The following ASCC3 variants were observed in gnomAD, a reference collection of about 807,000 sequenced individuals.
ASCC3 encodes the protein ASC-1 complex subunit P200.
A neutral mutation model predicts 256.3 loss-of-function variants in ASCC3; 158 were observed. The ratio of observed to expected loss-of-function variants is 0.62; its 90% CI spans 0.54 to 0.70. ASCC3 has a LOEUF of 0.70. Ranked by LOEUF, ASCC3 falls within the 30% of genes least tolerant of loss-of-function variation. ASCC3 has a pLI of 0.00. For synonymous variants in ASCC3, 948 were observed against 883.4 expected (o/e 1.07, Z -1.30); for missense variants, 2,259 against 2,626.0 (o/e 0.86, Z 3.05).
chr6:100,675,247 T>G (rs17060862), intron 14 of ASCC3, among the ~76,000 whole-genome samples: 6,439 of 151,588 alleles, frequency 0.042, 237 homozygotes, highest in East Asian at 0.19. Flanking sequence ...AAGAGGAAAA[T>G]AGGTTAAGAT....
At chr6:100,725,858 A>G (rs1350695901) in intron 10 of ASCC3, among the ~76,000 whole-genome samples, 155 bp from the exon 11 acceptor site, 1 of 151,992 alleles carries the variant, frequency 6.6e-6, no homozygotes, top group Non-Finnish European at 1.5e-5. Context: ...ACTATAGACA[A>G]CAGTCATTTC....
chr6:100,675,194 C>A (rs1184610543), intron 14 of ASCC3, among the ~76,000 whole-genome samples: 1 of 150,594 alleles, frequency 6.6e-6, no homozygotes, highest in Non-Finnish European at 1.5e-5. Context: ...TTTTGACATC[C>A]TATGTGGTGG....
At position 100,642,890 on chromosome 6, in the gene ASCC3, G is replaced by A. The variant is rs143817791; in HGVS notation, c.3733-141C>T. On this transcript the variant is annotated intron_variant, in intron 23 of 41. Coordinates refer to ENST00000369162, the MANE Select transcript of ASCC3 (RefSeq NM_006828.4). ...GAATTTGTAAATAGCTGAGATATTC[G>A]GAAACTTTAGAAAATTGTGCATGGT... 5.5e-4 allele frequency: 484 copies of A among 873,292 alleles called. 1 individual carries two copies. The highest frequency in any genetic ancestry group is 3.7e-3 in the African/African-American group (216 of 58,810). 54.1% of individuals were successfully genotyped at this position (873,292 alleles called of 1,614,324 possible). A position where few individuals can be genotyped will look rare whatever the true frequency, so the allele number is the denominator to read the frequency against.
intron 4 of ASCC3, among the ~76,000 whole-genome samples, chr6:100,813,604 C>T (rs1770592706): frequency 1.3e-5 from 2 of 152,006 alleles, no homozygotes; most frequent in Admixed American, 1.3e-4. Flanking sequence ...AATTACTTTA[C>T]CCATTATACA....
chr6:100,586,368 G>T (rs2114763586), intron 36 of ASCC3, among the ~76,000 whole-genome samples: 1 of 152,264 alleles, frequency 6.6e-6, no homozygotes, highest in South Asian at 2.1e-4. Flanking sequence ...AGACTCCGTG[G>T]GCGTAGGACC....
Position 100,651,606 on chromosome 6 carries a change from T to C in ASCC3, c.3029A>G (p.Asp1010Gly), listed in dbSNP as rs369033658. ...AGCTTTGGAGACTATGGCAAAGATA[T>C]CACCTTCTGTTTTGTGAGCATCAAA... ...ELFDAHKTEG[D>G]IFAIVSKAEE... The change falls in exon 19 of 42, where the codon GAT becomes GGT. Residue 1010 changes from aspartate to glycine, a missense_variant. Around this residue, in one of 2 missense-constraint regions of ASCC3, gnomAD observed 1,839 missense variants for 2,206.7 expected, o/e 0.83. Transcript: ENST00000369162. 4 of 1,590,246 alleles carry C rather than the reference T, an allele frequency of 2.5e-6. No individual in the cohort carries two copies. Among genetic ancestry groups the C allele is most frequent in the Non-Finnish European group, 3.4e-6 (4 of 1,166,120 alleles).
chr6:100,656,629 T>C (rs567279506), intron 16 of ASCC3, among the ~76,000 whole-genome samples: 1 of 151,562 alleles, frequency 6.6e-6, no homozygotes, highest in South Asian at 2.1e-4. Flanking sequence ...CAAAGGTTAA[T>C]AATTTAAAAA....
chr6:100,814,347 T>C (rs1357478504), intron 4 of ASCC3, among the ~76,000 whole-genome samples: 1 of 152,166 alleles, frequency 6.6e-6, no homozygotes, highest in African/African-American at 2.4e-5. Context: ...TTTGCCAGTA[T>C]TTTGTGGAGA....
intron 8 of ASCC3, among the ~76,000 whole-genome samples, chr6:100,777,582 A>AT (rs772719380): frequency 6.6e-6 from 1 of 152,152 alleles, no homozygotes; most frequent in Non-Finnish European, 1.5e-5. Context: ...GTTACCTTAA[A>AT]TTAGGTTTCT....
At chr6:100,675,127 G>GTTTTTTT (rs1275237746) in intron 14 of ASCC3, among the ~76,000 whole-genome samples, 2 of 111,218 alleles carry the variant, frequency 1.8e-5, no homozygotes, top group South Asian at 4.1e-4. Flanking sequence ...TAAGCAAACA[G>GTTTTTTT]TTGTTTTTTT....
chr6:100,805,963 G>A (rs1046645726), intron 4 of ASCC3, 83 bp from the exon 5 acceptor site: 2 of 1,360,778 alleles, frequency 1.5e-6, no homozygotes, highest in Admixed American at 1.9e-5. Flanking sequence ...ATTCAACAGA[G>A]GTGTAAAGCC....
intron 13 of ASCC3, among the ~76,000 whole-genome samples, chr6:100,681,673 G>T (rs532641202): frequency 6.9e-6 from 1 of 145,318 alleles, no homozygotes; most frequent in Non-Finnish European, 1.5e-5. Context: ...GTTGCAGTGA[G>T]CCGGGATTAC....
chr6:100,517,643 T>C (rs539929132), intron 38 of ASCC3, among the ~76,000 whole-genome samples: 10 of 152,188 alleles, frequency 6.6e-5, no homozygotes, highest in Non-Finnish European at 5.9e-5. Flanking sequence ...ATAACAGACA[T>C]TGATCATTTA....
chr6:100,737,934 G>A (rs1780259254), intron 10 of ASCC3, among the ~76,000 whole-genome samples: 2 of 152,108 alleles, frequency 1.3e-5, no homozygotes. Flanking sequence ...GGCATGAGAT[G>A]GTATCTCATT....
chr6:100,584,664 GT>G (rs1771541177), intron 36 of ASCC3, among the ~76,000 whole-genome samples: 1 of 151,908 alleles, frequency 6.6e-6, no homozygotes, highest in South Asian at 2.1e-4. Flanking sequence ...AGTTTATGCA[GT>G]TTCTTCCTAG....
At position 100,662,307 on chromosome 6, in the gene ASCC3, C is replaced by T. The variant is rs772965128; in HGVS notation, c.2478+38G>A. 21 of 1,596,024 alleles carry T rather than the reference C, an allele frequency of 1.3e-5. No individual in the cohort carries two copies. In the Admixed American group the frequency reaches 2.9e-4, roughly 22 times the overall value. ...CAACCCAGAGCCTTGCTTTAAGACA[C>T]ACACAAAATCCATTTATCAAGGAAG... On this transcript the variant is annotated intron_variant, in intron 15 of 41. Coordinates refer to ENST00000369162, the MANE Select transcript of ASCC3 (RefSeq NM_006828.4).
At chr6:100,605,539 C>A (rs763149122) in intron 33 of ASCC3, 29 bp downstream of exon 33, 4 of 1,411,302 alleles carry the variant, frequency 2.8e-6, no homozygotes, top group Non-Finnish European at 4.0e-6. Context: ...TTAAATAAAT[C>A]CATTTAAACT....
intron 38 of ASCC3, 39 bp downstream of exon 38, chr6:100,517,952 T>C (rs775957361): frequency 3.1e-6 from 5 of 1,603,026 alleles, no homozygotes; most frequent in Non-Finnish European, 4.3e-6. Context: ...TTTTTTGAAA[T>C]CAAAACAAAA....
At chr6:100,554,489 G>A (rs1490727664) in intron 36 of ASCC3, among the ~76,000 whole-genome samples, 2 of 152,146 alleles carry the variant, frequency 1.3e-5, no homozygotes, top group Admixed American at 6.6e-5. Flanking sequence ...CAGCCTGCTC[G>A]ATGTGAGACT....
Sources: allele counts gnomAD v4.1 joint callset (sites outside exome capture counted in the v4.1 genomes callset), GRCh38; gene constraint gnomAD v4.1.1; regional missense constraint gnomAD v4.1.1; transcripts MANE v1.5; gene names NCBI Gene and HGNC (gene_info 2026-07-23, HGNC 2026-07-21).